EGFR: variants seen among roughly 807,000 people sequenced by gnomAD.
EGFR encodes avian erythroblastic leukemia viral (v-erb-b) oncogene homolog.
A neutral mutation model predicts 143.0 loss-of-function variants in EGFR; 58 were observed. The ratio of observed to expected loss-of-function variants is 0.41; its 90% CI spans 0.33 to 0.50. The LOEUF (loss-of-function observed/expected upper bound fraction) is 0.50. Among genes scored for constraint, EGFR ranks in the 20% least tolerant of loss-of-function variants. The probability of loss-of-function intolerance (pLI) is 0.39; values close to 1 mark genes in which losing one functional copy is unlikely to be tolerated. For missense variants in EGFR, 1,307 were observed against 1,579.0 expected (o/e 0.83, Z 2.92); for synonymous variants, 613 against 594.4 (o/e 1.03, Z -0.45).
At chr7:55,152,792 C>A in intron 6 of EGFR, 128 bp downstream of exon 6, 2 of 748,318 alleles carry the variant, frequency 2.7e-6, no homozygotes, top group South Asian at 1.7e-5. Context: ...AGGATATTGC[C>A]CTCTGCCTGG....
intron 1 of EGFR, among the ~76,000 whole-genome samples, chr7:55,076,807 G>C (rs1242109057): frequency 1.3e-5 from 2 of 152,028 alleles, no homozygotes; most frequent in Non-Finnish European, 2.9e-5. Flanking sequence ...ATTTCCATCA[G>C]AGCTCTGACC....
chr7:55,138,426 C>G (rs573636148), intron 1 of EGFR, among the ~76,000 whole-genome samples: 86 of 152,172 alleles, frequency 5.7e-4, no homozygotes, highest in Non-Finnish European at 1.0e-3. Context: ...AATACCTAGT[C>G]TTAAATAAAT....
intron 13 of EGFR, among the ~76,000 whole-genome samples, chr7:55,163,195 A>G (rs189134253): frequency 3.9e-5 from 6 of 152,386 alleles, no homozygotes; most frequent in Admixed American, 3.9e-4. Context: ...ACAGCCGTAC[A>G]TCTGTTCTGT....
At chr7:55,081,260 T>C (rs967268082) in intron 1 of EGFR, among the ~76,000 whole-genome samples, 1 of 152,344 alleles carries the variant, frequency 6.6e-6, no homozygotes, top group Middle Eastern at 3.4e-3. Context: ...CAGAAGGAAC[T>C]GTATTGTTTG....
intron 1 of EGFR, among the ~76,000 whole-genome samples, chr7:55,033,757 C>A (rs1421747381): frequency 6.6e-6 from 1 of 152,176 alleles, no homozygotes; most frequent in East Asian, 1.9e-4. Flanking sequence ...GGTGACCATC[C>A]CTTGCCTCCA....
chr7:55,202,563 G>A lies in EGFR; in HGVS notation c.3209G>A (p.Ser1070Asn), dbSNP rs771471723. ...GAAGACAGCTTCTTGCAGCGATACA[G>A]CTCAGACCCCACAGGCGCCTTGACT... ...IKEDSFLQRY[S>N]SDPTGALTED... The change falls in exon 27 of 28, where the codon AGC becomes AAC. Residue 1070 changes from serine (S) to asparagine (N), a missense_variant. Around this residue, in one of 7 missense-constraint regions of EGFR, gnomAD observed 313 missense variants for 312.3 expected, o/e 1.00. Transcript: ENST00000275493. 6.2e-7 allele frequency: 1 copy of A among 1,613,328 alleles called. No individual in the cohort carries two copies. The highest frequency in any genetic ancestry group is 8.5e-7 in the Non-Finnish European group (1 of 1,179,634).
intron 1 of EGFR, among the ~76,000 whole-genome samples, chr7:55,069,737 G>A (rs894381058): frequency 3.3e-5 from 5 of 152,196 alleles, no homozygotes; most frequent in Non-Finnish European, 5.9e-5. Context: ...AGCAGGGCTG[G>A]TAGATGCAGT....
chr7:55,086,354 CTCCCTT>C (rs17336059), intron 1 of EGFR, among the ~76,000 whole-genome samples: 28,869 of 151,964 alleles, frequency 0.19, 3,091 homozygotes, highest in African/African-American at 0.28. Context: ...GGTTATTTTG[CTCCCTT>C]TCCCTTTGAA....
intron 1 of EGFR, among the ~76,000 whole-genome samples, chr7:55,082,302 T>A (rs1452480694): frequency 1.3e-5 from 2 of 152,198 alleles, no homozygotes; most frequent in African/African-American, 4.8e-5. Context: ...GGATGCACAA[T>A]CCTACATGCC....
chr7:55,132,651 C>G (rs1315818643), intron 1 of EGFR, among the ~76,000 whole-genome samples: 1 of 151,622 alleles, frequency 6.6e-6, no homozygotes, highest in African/African-American at 2.4e-5. Context: ...TCCCAGTTCT[C>G]GAGCTGACTG....
intron 1 of EGFR, among the ~76,000 whole-genome samples, chr7:55,139,948 G>C (rs142148703): frequency 3.2e-4 from 49 of 152,126 alleles, no homozygotes; most frequent in African/African-American, 1.2e-3. Flanking sequence ...GCTAATTGTA[G>C]ACAATGAAGG....
At chr7:55,070,567 G>A (rs1239021626) in intron 1 of EGFR, among the ~76,000 whole-genome samples, 1 of 152,210 alleles carries the variant, frequency 6.6e-6, no homozygotes, top group African/African-American at 2.4e-5. Context: ...ACATTGACAA[G>A]ACCTGGAGTT....
chr7:55,202,502 C>T lies in EGFR; in HGVS notation c.3163-15C>T, dbSNP rs750395772. On this transcript the variant is annotated splice_polypyrimidine_tract_variant and intron_variant, in intron 26 of 27. Coordinates refer to ENST00000275493, the MANE Select transcript of EGFR (RefSeq NM_005228.5). Reference sequence around the variant, plus strand: ...AGCCCTGACCGGAGTAACCTTCCCTCATTTCCTCCTGCAGCTGCAAAGCTG... The same window carrying T: ...AGCCCTGACCGGAGTAACCTTCCCTTATTTCCTCCTGCAGCTGCAAAGCTG... The T allele has an allele frequency of 1.3e-6, 2 of 1,592,508 alleles. No individual in the cohort carries two copies. The highest frequency in any genetic ancestry group is 3.3e-4 in the Middle Eastern group (2 of 6,034).
Position 55,104,542 on chromosome 7 carries a change from G to A in EGFR, c.89-37744G>A, listed in dbSNP as rs534130550. Among the ~76,000 whole-genome samples the A allele has an allele frequency of 3.9e-5, 6 of 152,342 alleles. No individual in the cohort carries two copies. The South Asian group carries it at 1.2e-3, about 32-fold the overall frequency. ...TAGAGCCTATCTGTGGGGGTTATCT[G>A]AAGGATTCCAGGGATGCATATGGCA... On this transcript the variant is annotated intron_variant, in intron 1 of 27. Coordinates refer to ENST00000275493, the MANE Select transcript of EGFR (RefSeq NM_005228.5).
intron 1 of EGFR, among the ~76,000 whole-genome samples, chr7:55,028,175 G>T (rs141549138): frequency 2.0e-4 from 30 of 151,900 alleles, no homozygotes; most frequent in Middle Eastern, 6.8e-3. Flanking sequence ...AGCAGATGAC[G>T]TCATGATTGT....
intron 1 of EGFR, among the ~76,000 whole-genome samples, chr7:55,137,608 A>G (rs935709758): frequency 2.0e-4 from 30 of 152,346 alleles, no homozygotes; most frequent in African/African-American, 7.0e-4. Flanking sequence ...TAGATGTCCA[A>G]CAAGAATGCA....
chr7:55,054,807 C>T (rs1788698221), intron 1 of EGFR, among the ~76,000 whole-genome samples: 2 of 152,186 alleles, frequency 1.3e-5, no homozygotes, highest in Non-Finnish European at 2.9e-5. Context: ...TTCCTCAGGT[C>T]TCAACCATCT....
chr7:55,082,189 G>A (rs977310084), intron 1 of EGFR, among the ~76,000 whole-genome samples: 13 of 152,180 alleles, frequency 8.5e-5, no homozygotes, highest in African/African-American at 2.7e-4. Flanking sequence ...AGTGATATCA[G>A]GATGAGAAAG....
chr7:55,062,524 C>T (rs1789247323), intron 1 of EGFR, among the ~76,000 whole-genome samples: 1 of 152,152 alleles, frequency 6.6e-6, no homozygotes, highest in African/African-American at 2.4e-5. Flanking sequence ...CATGTTTTCT[C>T]TTTCATTGCT....
Sources: gnomAD v4.1 joint callset for allele counts (sites outside exome capture counted in the v4.1 genomes callset) on GRCh38, gnomAD v4.1.1 for gene constraint, gnomAD v4.1.1 regional missense constraint, MANE v1.5 for transcripts, NCBI Gene and HGNC (gene_info 2026-07-23, HGNC 2026-07-21) for gene names.